Variants in GRM4 observed in about 807,000 individuals in gnomAD.
GRM4 encodes metabotropic glutamate receptor 4.
A neutral mutation model predicts 81.7 loss-of-function variants in GRM4; 28 were observed. That is an observed-to-expected ratio of 0.34 (90% CI 0.25 to 0.47). The LOEUF is 0.47. Ranked by LOEUF, GRM4 falls within the 20% of genes least tolerant of loss-of-function variation. The pLI, the probability that GRM4 is intolerant of heterozygous loss-of-function variation, is 1.00. For missense variants in GRM4, 948 were observed against 1,290.0 expected, an observed-to-expected ratio of 0.73 and a Z score of 4.06; for synonymous variants, 488 against 528.8, an observed-to-expected ratio of 0.92 and a Z score of 1.06.
At chr6:34,110,557 C>A in intron 2 of GRM4, 1 of 602,136 alleles carries the variant, frequency 1.7e-6, no homozygotes, top group African/African-American at 1.9e-5. Context: ...ACACCATCCA[C>A]ATCTCTGATT....
intron 2 of GRM4, chr6:34,103,518 G>T: frequency 1.5e-6 from 2 of 1,317,734 alleles, no homozygotes; most frequent in Non-Finnish European, 2.1e-6. Flanking sequence ...GAGCAAACGC[G>T]ATCCTCAAAT....
chr6:34,043,380 C>T (rs114247560), intron 6 of GRM4, among the ~76,000 whole-genome samples: 2 of 152,144 alleles, frequency 1.3e-5, no homozygotes, highest in Non-Finnish European at 2.9e-5. Context: ...GGGACAGTGT[C>T]GCCTGGAAAG....
intron 2 of GRM4, among the ~76,000 whole-genome samples, chr6:34,095,323 C>T (rs1377629003): frequency 6.6e-6 from 1 of 152,122 alleles, no homozygotes; most frequent in African/African-American, 2.4e-5. Flanking sequence ...CTGCTCTCCC[C>T]GCAGCCTCCC....
chr6:34,155,253 C>A, exon 1 of GRM4: 1 of 1,534,626 alleles, frequency 6.5e-7, no homozygotes. Flanking sequence ...AGGACCTGGG[C>A]GGGAGGCGGC....
In GRM4 at chr6:34,028,287, T is replaced by C; in HGVS notation, c.2522A>G (p.Lys841Arg). The change falls in exon 10 of 11, where the codon AAA (lysine) becomes AGA (arginine). Residue 841 changes from lysine to arginine, a missense_variant. Physicochemically the swap from Lys to Arg is conservative, Grantham distance 26 (BLOSUM62 2). Coordinates refer to ENST00000538487, the MANE Select transcript of GRM4 (RefSeq NM_000841.4). ...SVSLGMLYMPKVYIILFHPEQ... is the reference protein window; with the variant it reads ...SVSLGMLYMPRVYIILFHPEQ... ...CGGGTGGAAGAGGATGATGTAGACT[T>C]TGGGCATGTAGAGCATTCCCAGGGA... 1 of 1,613,930 alleles carries C rather than the reference T, an allele frequency of 6.2e-7. No individual in the cohort carries two copies. Among genetic ancestry groups the C allele is most frequent in the Non-Finnish European group, 8.5e-7 (1 of 1,179,980 alleles).
At position 34,069,343 on chromosome 6, in the gene GRM4, G is replaced by A. The variant is rs983991041; in HGVS notation, c.737-7315C>T. ...GCTACTTTTATTTTCAGCTGGGGGCGAAGCCTGAATGTAAATAATGGAGCC... is the reference window on the plus strand; with the variant it reads ...GCTACTTTTATTTTCAGCTGGGGGCAAAGCCTGAATGTAAATAATGGAGCC... On this transcript the variant is annotated intron_variant, in intron 3 of 10. Coordinates refer to ENST00000538487, the MANE Select transcript of GRM4 (RefSeq NM_000841.4). The surrounding 1 kb of genome is among the most constrained non-coding windows in gnomAD (Gnocchi z 6.4). Among the ~76,000 whole-genome samples, 5 of 152,206 alleles carry A rather than the reference G, an allele frequency of 3.3e-5. No individual in the cohort carries two copies. The highest frequency in any genetic ancestry group is 1.9e-4 in the East Asian group (1 of 5,200).
intron 4 of GRM4, 132 bp downstream of exon 4, chr6:34,061,761 A>G (rs1766190620): frequency 4.3e-6 from 4 of 939,664 alleles, no homozygotes; most frequent in Admixed American, 2.1e-5. Flanking sequence ...ATACCCACTC[A>G]CCAGCACCCA....
At position 34,049,662 on chromosome 6, in the gene GRM4, C is replaced by G. The variant is rs573027234; in HGVS notation, c.1168+6882G>C. Among the ~76,000 whole-genome samples the G allele has an allele frequency of 2.7e-3, 408 of 152,234 alleles. 1 individual carries two copies. The highest frequency in any genetic ancestry group is 3.5e-3 in the Non-Finnish European group (241 of 68,020). On this transcript the variant is annotated intron_variant, in intron 6 of 10. Coordinates refer to ENST00000538487, the MANE Select transcript of GRM4 (RefSeq NM_000841.4). Reference sequence around the variant, plus strand: ...CCAGCCTGCTCCTCCTCCCGCCCACCCCATCGTAGTGCGTGGCCATTTCAT... The same window carrying G: ...CCAGCCTGCTCCTCCTCCCGCCCACGCCATCGTAGTGCGTGGCCATTTCAT...
intron 10 of GRM4, among the ~76,000 whole-genome samples, chr6:34,025,049 C>T (rs1764062506): frequency 6.6e-6 from 1 of 152,146 alleles, no homozygotes; most frequent in Non-Finnish European, 1.5e-5. Context: ...ACCCTGAGGG[C>T]GGGAGCCGAG....
intron 3 of GRM4, among the ~76,000 whole-genome samples, chr6:34,084,110 T>C (rs1029408832): frequency 6.6e-6 from 1 of 152,194 alleles, no homozygotes; most frequent in African/African-American, 2.4e-5. Flanking sequence ...TTTGCTCTCA[T>C]GAAGGATGCC....
At chr6:34,024,347 G>T in intron 10 of GRM4, 1 of 240,556 alleles carries the variant, frequency 4.2e-6, no homozygotes, top group Non-Finnish European at 8.4e-6. Flanking sequence ...AACCATTGAG[G>T]TCATCTAGCC....
At chr6:34,102,923 G>T (rs115166287) in intron 2 of GRM4, among the ~76,000 whole-genome samples, 11 of 152,164 alleles carry the variant, frequency 7.2e-5, no homozygotes, top group Non-Finnish European at 1.0e-4. Context: ...CTGACGCTGC[G>T]CCTGGGCAAG....
At chr6:34,049,359 G>A (rs539317241) in intron 6 of GRM4, among the ~76,000 whole-genome samples, 7 of 152,144 alleles carry the variant, frequency 4.6e-5, no homozygotes, top group Admixed American at 1.3e-4. Context: ...ACCACGCTCT[G>A]GGCCCTGCTG....
chr6:34,138,377 C>G (rs1324794480), intron 1 of GRM4, among the ~76,000 whole-genome samples: 1 of 152,236 alleles, frequency 6.6e-6, no homozygotes, highest in Admixed American at 6.5e-5. Flanking sequence ...TCTGCAGGGC[C>G]CACCCAGCCC....
intron 2 of GRM4, among the ~76,000 whole-genome samples, chr6:34,095,052 C>T (rs1490737101): frequency 3.9e-5 from 6 of 152,328 alleles, no homozygotes; most frequent in African/African-American, 1.4e-4. Context: ...TGGCCCTGGC[C>T]CACGGCACAC....
chr6:34,059,442 G>A lies in GRM4; in HGVS notation c.873-314C>T, dbSNP rs573756998. On this transcript the variant is annotated intron_variant, in intron 4 of 10. Coordinates refer to ENST00000538487, the MANE Select transcript of GRM4 (RefSeq NM_000841.4). The surrounding 1 kb of genome is among the most constrained non-coding windows in gnomAD (Gnocchi z 5.7). ...ACCTCTCCCCTCCAGATCCACACCCGCCCCACGTCTGACTCAGGCCCCACA... is the reference window on the plus strand; with the variant it reads ...ACCTCTCCCCTCCAGATCCACACCCACCCCACGTCTGACTCAGGCCCCACA... 5.1e-6 allele frequency: 2 copies of A among 389,556 alleles called. No homozygotes were observed. Among genetic ancestry groups the A allele is most frequent in the East Asian group, 1.0e-4 (2 of 19,318 alleles). The allele number at this position is 389,556 out of a possible 1,614,324, so 24.1% of individuals were successfully genotyped here.
At chr6:34,083,786 AAGCTAAAGCCAGCGGC>A (rs1403602363) in intron 3 of GRM4, among the ~76,000 whole-genome samples, 1 of 152,154 alleles carries the variant, frequency 6.6e-6, no homozygotes, top group Non-Finnish European at 1.5e-5. Flanking sequence ...ACTTGGATAC[AAGCTAAAGCCAGCGGC>A]AGCACCCCTG....
intron 3 of GRM4, among the ~76,000 whole-genome samples, chr6:34,067,032 A>G (rs1766501709): frequency 6.6e-6 from 1 of 152,054 alleles, no homozygotes; most frequent in African/African-American, 2.4e-5. Flanking sequence ...CTGTCCTCCC[A>G]GCCGTGTGGT....
intron 2 of GRM4, among the ~76,000 whole-genome samples, chr6:34,131,493 C>A (rs547869836): frequency 2.0e-5 from 3 of 152,336 alleles, no homozygotes; most frequent in East Asian, 3.9e-4. Context: ...ACTGCATACA[C>A]AGGTGGGCGC....
Sources: allele counts gnomAD v4.1 joint callset (sites outside exome capture counted in the v4.1 genomes callset), GRCh38; gene constraint gnomAD v4.1.1; non-coding constraint Gnocchi (gnomAD v3.1); transcripts MANE v1.5; gene names NCBI Gene and HGNC (gene_info 2026-07-23, HGNC 2026-07-21).